PPP2R5C: variants seen among roughly 807,000 people sequenced by gnomAD.
PPP2R5C encodes protein phosphatase 2 regulatory subunit B'gamma.
In PPP2R5C, 7 loss-of-function variants were observed where a neutral mutation model predicts 68.9. The ratio of observed to expected loss-of-function variants is 0.10; its 90% confidence interval spans 0.06 to 0.19. The LOEUF is 0.19. Among genes scored for constraint, PPP2R5C ranks in the 10% least tolerant of loss-of-function variants. The probability of loss-of-function intolerance (pLI) is 1.00; values close to 1 mark genes in which losing one functional copy is unlikely to be tolerated. For missense variants in PPP2R5C, 348 were observed against 641.3 expected (o/e 0.54, Z 4.94); for synonymous variants, 210 against 222.2 (o/e 0.95, Z 0.49).
At position 101,797,127 on chromosome 14, in the gene PPP2R5C, A is replaced by C. The variant is rs1746598; in HGVS notation, c.259+10944A>C. Reference sequence around the variant, plus strand: ...GCTTTCTGTCTCTATGATTTTGCCCACAGTAGGAGCCTCTTAGAAGCGGAA... The same window carrying C: ...GCTTTCTGTCTCTATGATTTTGCCCCCAGTAGGAGCCTCTTAGAAGCGGAA... On this transcript the variant is annotated intron_variant, in intron 3 of 14. Coordinates refer to the PPP2R5C transcript ENST00000328724. This position sits in a 1 kb window ranked among gnomAD's most constrained non-coding sequence, Gnocchi z 4.2. The C allele has an allele frequency of 0.073, 33,324 of 455,346 alleles. 1,393 individuals carry two copies. Among genetic ancestry groups the C allele is most frequent in the Non-Finnish European group, 0.088 (19,860 of 226,318 alleles). The allele number at this position is 455,346 out of a possible 1,614,324, so 28.2% of individuals were successfully genotyped here.
rs529336124 is a variant in PPP2R5C at position 101,769,233 on chromosome 14, A to G, written c.93+6263A>G. Among the ~76,000 whole-genome samples the G allele has an allele frequency of 3.2e-4, 45 of 139,740 alleles. 1 individual carries two copies. Among genetic ancestry groups the G allele is most frequent in the Admixed American group, 2.1e-3 (29 of 13,966 alleles). The allele number at this position is 139,740 out of a possible 152,430, so 91.7% of individuals were successfully genotyped here. On this transcript the variant is annotated intron_variant, in intron 2 of 14. Coordinates refer to the PPP2R5C transcript ENST00000328724. ...TTCCATATTTTAAATGCTTATAGCAATTACTTACTAGACCAGCGGCTGGCT... is the reference window on the plus strand; with the variant it reads ...TTCCATATTTTAAATGCTTATAGCAGTTACTTACTAGACCAGCGGCTGGCT...
chr14:101,809,542 T>C (rs2039224712), upstream of PPP2R5C, among the ~76,000 whole-genome samples: 1 of 145,724 alleles, frequency 6.9e-6, no homozygotes, highest in Admixed American at 6.8e-5. Flanking sequence ...CACACAGACA[T>C]ATACACACAC....
intron 3 of PPP2R5C, among the ~76,000 whole-genome samples, chr14:101,790,924 C>CA (rs1160673275): frequency 6.6e-6 from 1 of 152,000 alleles, no homozygotes; most frequent in African/African-American, 2.4e-5. Context: ...ACTAAAAATA[C>CA]AAAAAATCAG....
intron 2 of PPP2R5C, among the ~76,000 whole-genome samples, chr14:101,771,222 CG>C (rs1393963059): frequency 1.5e-5 from 2 of 135,396 alleles, no homozygotes; most frequent in African/African-American, 2.8e-5. Context: ...TTCTTCATCT[CG>C]TGTGTGTGTG....
intron 1 of PPP2R5C, chr14:101,836,430 C>T: frequency 1.4e-6 from 1 of 695,672 alleles, no homozygotes; most frequent in Non-Finnish European, 2.6e-6. Flanking sequence ...ATCACACACA[C>T]TGTCGTAGCT....
At position 101,882,742 on chromosome 14, in the gene PPP2R5C, G is replaced by A. The variant is rs181010537; in HGVS notation, c.405+471G>A. ...GTGCGGGTGGGAGGGCCATCCATCC[G>A]TGACAGGCGGCCCACGCTGTCCCAC... On this transcript the variant is annotated intron_variant, in intron 3 of 13. Transcript: ENST00000334743. The surrounding 1 kb of genome is among the most constrained non-coding windows in gnomAD (Gnocchi z 4.9). 5.9e-4 allele frequency: 95 copies of A among 161,980 alleles called. No homozygotes were observed. Among genetic ancestry groups the A allele is most frequent in the Middle Eastern group, 3.1e-3 (1 of 326 alleles). 10.0% of individuals were successfully genotyped at this position (161,980 alleles called of 1,614,324 possible).
intron 1 of PPP2R5C, chr14:101,833,436 T>A (rs2040877595): frequency 6.6e-6 from 1 of 152,268 alleles, no homozygotes; most frequent in African/African-American, 2.4e-5. Flanking sequence ...GCAGAAGTTG[T>A]TAGAGGATCA....
At chr14:101,849,844 G>A (rs1316336967) in intron 1 of PPP2R5C, among the ~76,000 whole-genome samples, 2 of 152,120 alleles carry the variant, frequency 1.3e-5, no homozygotes, top group Non-Finnish European at 2.9e-5. Flanking sequence ...ATTTATGCAT[G>A]AGCCTGTGTG....
At chr14:101,842,846 C>T (rs1346524890) in intron 1 of PPP2R5C, among the ~76,000 whole-genome samples, 4 of 151,260 alleles carry the variant, frequency 2.6e-5, no homozygotes, top group Admixed American at 1.3e-4. Context: ...GTCTGATCAC[C>T]GCTACTACTA....
chr14:101,775,927 A>T (rs2037392996), intron 2 of PPP2R5C, among the ~76,000 whole-genome samples: 1 of 151,844 alleles, frequency 6.6e-6, no homozygotes, highest in Non-Finnish European at 1.5e-5. Flanking sequence ...TGTTCAGTGG[A>T]GAGGCTCTGG....
rs1295249349 is a variant in PPP2R5C, at chr14:101,918,422, C to CT, written c.1443+475_1443+476insT. On this transcript the variant is annotated intron_variant, in intron 13 of 13. Coordinates refer to ENST00000334743, the Ensembl canonical transcript of PPP2R5C. ...TGCCCCTCCCCCCTTGCCCCCTCAC[C>CT]CCCCTCGCCCCGTCCCCTTCCCCCC... 5.6e-4 allele frequency among the ~76,000 whole-genome samples: 58 copies of CT among 103,198 alleles called. 2 individuals carry two copies. Among genetic ancestry groups the CT allele is most frequent in the African/African-American group, 1.9e-3 (51 of 26,882 alleles). 67.7% of individuals were successfully genotyped at this position (103,198 alleles called of 152,430 possible). A position where few individuals can be genotyped will look rare whatever the true frequency, so the allele number is the denominator to read the frequency against.
chr14:101,854,210 G>T (rs528535152), intron 1 of PPP2R5C, among the ~76,000 whole-genome samples: 9 of 152,094 alleles, frequency 5.9e-5, no homozygotes, highest in African/African-American at 2.2e-4. Flanking sequence ...GATCCTACAG[G>T]CAGTACACCC....
intron 2 of PPP2R5C, among the ~76,000 whole-genome samples, chr14:101,869,970 G>A (rs1303560538): frequency 1.3e-5 from 2 of 149,760 alleles, no homozygotes; most frequent in Non-Finnish European, 3.0e-5. Context: ...TTTTCCCTGC[G>A]CTTTTTGTCG....
chr14:101,922,291 C>G (rs1281069532), intron 13 of PPP2R5C: 1 of 631,802 alleles, frequency 1.6e-6, no homozygotes, highest in Non-Finnish European at 2.0e-6. Flanking sequence ...GAGTTCGAGA[C>G]CAGCCTGACC....
At chr14:101,894,663 A>G (rs2045184327) in intron 8 of PPP2R5C, 103 bp downstream of exon 10, 2 of 1,120,256 alleles carry the variant, frequency 1.8e-6, no homozygotes, top group South Asian at 1.3e-5. Context: ...AGACTTTTTC[A>G]TCTTAAATTG....
At chr14:101,830,264 A>G (rs2040658186) in intron 1 of PPP2R5C, among the ~76,000 whole-genome samples, 1 of 152,204 alleles carries the variant, frequency 6.6e-6, no homozygotes, top group Non-Finnish European at 1.5e-5. Flanking sequence ...GCCCATATGA[A>G]GTTTTGTTTC....
intron 1 of PPP2R5C, among the ~76,000 whole-genome samples, chr14:101,853,613 C>T (rs2042272261): frequency 6.6e-6 from 1 of 152,106 alleles, no homozygotes; most frequent in African/African-American, 2.4e-5. Flanking sequence ...TGATTTAACT[C>T]CACTCTGAAT....
Position 101,915,750 on chromosome 14 carries a change from C to G in PPP2R5C, c.1327-2081C>G, listed in dbSNP as rs2046635893. 1.3e-5 allele frequency among the ~76,000 whole-genome samples: 2 copies of G among 152,248 alleles called. No homozygotes were observed. Among genetic ancestry groups the G allele is most frequent in the African/African-American group, 4.8e-5 (2 of 41,470 alleles). ...ATGAGAACAAGACATAGCCCCCAGCCTCAGGGAGCTTACAGTCCATTAGGA... is the reference window on the plus strand; with the variant it reads ...ATGAGAACAAGACATAGCCCCCAGCGTCAGGGAGCTTACAGTCCATTAGGA... On this transcript the variant is annotated intron_variant, in intron 12 of 13. Transcript: ENST00000334743. This position sits in a 1 kb window ranked among gnomAD's most constrained non-coding sequence, Gnocchi z 4.2.
intron 2 of PPP2R5C, among the ~76,000 whole-genome samples, chr14:101,867,299 C>T (rs2043136168): frequency 6.6e-6 from 1 of 151,754 alleles, no homozygotes; most frequent in Admixed American, 6.6e-5. Flanking sequence ...CCTAGCTACT[C>T]GGTCGGGGCT....
Sources: allele counts gnomAD v4.1 joint callset (sites outside exome capture counted in the v4.1 genomes callset), GRCh38; gene constraint gnomAD v4.1.1; non-coding constraint Gnocchi (gnomAD v3.1); transcripts MANE v1.5; gene names NCBI Gene and HGNC (gene_info 2026-07-23, HGNC 2026-07-21).